The following MAP3K9 variants were observed in gnomAD, a reference collection of about 807,000 sequenced individuals.
MAP3K9 encodes mixed lineage kinase 1 (tyr and ser/thr specificity).
A neutral mutation model predicts 95.8 loss-of-function variants in MAP3K9; 46 were observed. The observed-to-expected ratio is 0.48, with a 90% CI of 0.38 to 0.61. The LOEUF (loss-of-function observed/expected upper bound fraction) is 0.61. Among genes scored for constraint, MAP3K9 ranks in the 20% least tolerant of loss-of-function variants. The pLI, the probability that MAP3K9 is intolerant of heterozygous loss-of-function variation, is 0.00. For missense variants in MAP3K9, 1,296 were observed against 1,474.3 expected (o/e 0.88, Z 1.98); for synonymous variants, 533 against 593.8 (o/e 0.90, Z 1.49).
intron 2 of MAP3K9, among the ~76,000 whole-genome samples, chr14:70,783,921 T>A (rs2054714025): frequency 6.6e-6 from 1 of 152,242 alleles, no homozygotes; most frequent in Non-Finnish European, 1.5e-5. Flanking sequence ...TGGTTAAAAT[T>A]TTTTAAATTC....
chr14:70,785,618 T>G (rs887714412), intron 2 of MAP3K9, among the ~76,000 whole-genome samples: 9 of 152,132 alleles, frequency 5.9e-5, no homozygotes, highest in African/African-American at 2.2e-4. Flanking sequence ...ACACAGTGTT[T>G]GGTACTCCCA....
At position 70,724,352 on chromosome 14, in the gene MAP3K9, T is replaced by C. The variant is rs796456766; in HGVS notation, c.*6028A>G. The C allele has an allele frequency of 3.3e-5, 5 of 152,236 alleles. No individual in the cohort carries two copies. Among genetic ancestry groups the C allele is most frequent in the African/African-American group, 1.2e-4 (5 of 41,536 alleles). 9.4% of individuals were successfully genotyped at this position (152,236 alleles called of 1,614,324 possible). On this transcript the variant is annotated 3_prime_UTR_variant, in exon 12 of 12. Transcript: ENST00000554752. ...TCATTGCTGTAAGCCTACACACTCC[T>C]ATTTAAATGCGAGCACCGCCAGAGA...
At chr14:70,741,067 A>G (rs2054063419) in intron 6 of MAP3K9, among the ~76,000 whole-genome samples, 1 of 152,006 alleles carries the variant, frequency 6.6e-6, no homozygotes, top group South Asian at 2.1e-4. Context: ...CTCCTGCCCC[A>G]TTAGACCATT....
intron 2 of MAP3K9, among the ~76,000 whole-genome samples, chr14:70,786,631 T>C (rs568116835): frequency 1.3e-5 from 2 of 152,294 alleles, no homozygotes; most frequent in East Asian, 3.9e-4. Flanking sequence ...TTGTCTGAAA[T>C]ACTTTGGTCC....
chr14:70,751,194 G>T (rs2054222689), intron 3 of MAP3K9, among the ~76,000 whole-genome samples: 1 of 152,210 alleles, frequency 6.6e-6, no homozygotes, highest in Non-Finnish European at 1.5e-5. Context: ...CGTGTCCTGT[G>T]AGTCAGTGAA....
Position 70,765,735 on chromosome 14 carries a change from TAAA to T in MAP3K9, c.821-4556_821-4554del, listed in dbSNP as rs10523480. Among the ~76,000 whole-genome samples the T allele has an allele frequency of 5.8e-3, 710 of 122,312 alleles. 9 individuals are homozygous for T. Among genetic ancestry groups the T allele is most frequent in the African/African-American group, 0.021 (652 of 31,364 alleles). 80.2% of individuals were successfully genotyped at this position (122,312 alleles called of 152,430 possible). ...ACACATAAAATACACCAACAACAGC[TAAA>T]AAAAAAAAAAAACAAAAAAAAACAA... On this transcript the variant is annotated intron_variant, in intron 2 of 11. Coordinates refer to ENST00000554752, the MANE Select transcript of MAP3K9 (RefSeq NM_001284230.2).
intron 7 of MAP3K9, among the ~76,000 whole-genome samples, chr14:70,739,067 C>G (rs2054027880): frequency 6.6e-6 from 1 of 152,216 alleles, no homozygotes; most frequent in Non-Finnish European, 1.5e-5. Flanking sequence ...TGCCAGCCAA[C>G]TGTAGCCACA....
intron 2 of MAP3K9, among the ~76,000 whole-genome samples, chr14:70,766,182 G>A (rs1339430407): frequency 6.6e-6 from 1 of 152,054 alleles, no homozygotes; most frequent in Non-Finnish European, 1.5e-5. Flanking sequence ...GACATAATGG[G>A]TCTAGGTTCA....
chr14:70,752,540 C>G (rs1280494011), intron 3 of MAP3K9, among the ~76,000 whole-genome samples: 1 of 152,150 alleles, frequency 6.6e-6, no homozygotes, highest in African/African-American at 2.4e-5. Context: ...TGCTGGGGAG[C>G]TTCTACCAAG....
At chr14:70,766,623 T>C (rs1011352909) in intron 2 of MAP3K9, among the ~76,000 whole-genome samples, 3 of 152,180 alleles carry the variant, frequency 2.0e-5, no homozygotes, top group Non-Finnish European at 4.4e-5. Flanking sequence ...AAATCACCCC[T>C]CAGCAGTAGG....
intron 9 of MAP3K9, 88 bp downstream of exon 9, chr14:70,735,873 T>C: frequency 9.4e-7 from 1 of 1,062,410 alleles, no homozygotes; most frequent in South Asian, 1.3e-5. Context: ...TAACGAGGCT[T>C]GATTCTATGG....
intron 3 of MAP3K9, among the ~76,000 whole-genome samples, chr14:70,757,364 G>T (rs537350224): frequency 1.2e-4 from 18 of 151,046 alleles, no homozygotes; most frequent in African/African-American, 3.4e-4. Flanking sequence ...AGGAGGCTGA[G>T]GAAAGAGGAT....
chr14:70,799,009 T>C (rs1028815978), intron 2 of MAP3K9, among the ~76,000 whole-genome samples: 1 of 152,228 alleles, frequency 6.6e-6, no homozygotes, highest in South Asian at 2.1e-4. Context: ...GTAGAAAAGA[T>C]AAATGTATAT....
rs3829955 is a variant in MAP3K9, at chr14:70,732,735, G to A, written c.2634C>T (p.Asn878=). The A allele has an allele frequency of 0.21, 343,472 of 1,605,706 alleles. 37,783 individuals are homozygous for A. Among genetic ancestry groups the A allele is most frequent in the East Asian group, 0.3 (13,388 of 44,604 alleles). The change falls in exon 11 of 12, where the codon AAC becomes AAT. Residue 878 remains asparagine (N), a synonymous_variant. Transcript: ENST00000554752. ...EAPPLSPCTH[N]PLVNVRVERF... ...GCTCTACTCGGACATTGACCAGGGGGTTGTGGGTACATGGACTCAGGGGAG... is the reference window on the plus strand; with the variant it reads ...GCTCTACTCGGACATTGACCAGGGGATTGTGGGTACATGGACTCAGGGGAG...
intron 2 of MAP3K9, among the ~76,000 whole-genome samples, chr14:70,794,758 AC>A (rs1178850027): frequency 2.6e-5 from 4 of 151,446 alleles, no homozygotes; most frequent in Non-Finnish European, 5.9e-5. Context: ...GCTCACTGCA[AC>A]TTCTGTCTCC....
Position 70,725,250 on chromosome 14 carries a change from C to A in MAP3K9, c.*5130G>T, listed in dbSNP as rs1385183375. On this transcript the variant is annotated 3_prime_UTR_variant, in exon 12 of 12. Transcript: ENST00000554752. Reference sequence around the variant, plus strand: ...CATGGAGTGAGCCCAACACGAAGAGCAAAGCCAGGGCTCCCTAGGCAGCCT... The same window carrying A: ...CATGGAGTGAGCCCAACACGAAGAGAAAAGCCAGGGCTCCCTAGGCAGCCT... 6.6e-6 allele frequency: 1 copy of A among 152,224 alleles called. No individual in the cohort carries two copies. Among genetic ancestry groups the A allele is most frequent in the African/African-American group, 2.4e-5 (1 of 41,446 alleles). The allele number at this position is 152,224 out of a possible 1,614,324, so 9.4% of individuals were successfully genotyped here. A position where few individuals can be genotyped will look rare whatever the true frequency, so the allele number is the denominator to read the frequency against.
chr14:70,730,421 T>C lies in MAP3K9; in HGVS notation c.3274A>G (p.Arg1092Gly). 1.9e-6 allele frequency: 3 copies of C among 1,614,052 alleles called. No homozygotes were observed. The highest frequency in any genetic ancestry group is 2.5e-6 in the Non-Finnish European group (3 of 1,179,958). ...PLCRAELNTH[R>G]PAPYEIQQEF... ...TGCTGGATCTCATAAGGGGCAGGCC[T>C]GTGTGTGTTCAGTTCCGCTCTGCAC... is the stretch of plus-strand genomic sequence containing the variant. Residue 1092 changes from arginine to glycine, a missense_variant, in exon 12 of 12, where the codon AGG becomes GGG. By Grantham distance (125) the Arg-to-Gly change is moderately radical. This residue lies in a region of MAP3K9 where 433 missense variants were observed against 441.4 expected (regional missense o/e 0.98). Coordinates refer to ENST00000554752, the MANE Select transcript of MAP3K9 (RefSeq NM_001284230.2).
intron 9 of MAP3K9, 146 bp from the exon 10 acceptor site, chr14:70,734,644 A>C (rs973694736): frequency 3.3e-6 from 2 of 604,164 alleles, no homozygotes; most frequent in African/African-American, 1.9e-5. Flanking sequence ...GACTCTTACC[A>C]AGCCCACCTG....
At chr14:70,791,406 C>T (rs1332660460) in intron 2 of MAP3K9, among the ~76,000 whole-genome samples, 1 of 152,212 alleles carries the variant, frequency 6.6e-6, no homozygotes, top group African/African-American at 2.4e-5. Context: ...TGCAGAGAAC[C>T]TCCACGGTGA....
Sources: allele counts gnomAD v4.1 joint callset (sites outside exome capture counted in the v4.1 genomes callset), GRCh38; gene constraint gnomAD v4.1.1; regional missense constraint gnomAD v4.1.1; transcripts MANE v1.5; gene names NCBI Gene and HGNC (gene_info 2026-07-23, HGNC 2026-07-21).